CDKN2A: variants seen among roughly 807,000 people sequenced by gnomAD.
CDKN2A encodes the protein cyclin dependent kinase inhibitor 2A.
In CDKN2A, 3 loss-of-function variants were observed where a neutral mutation model predicts 11.1. The observed-to-expected ratio is 0.27, with a 90% CI of 0.12 to 0.70. The LOEUF is 0.70. Among genes scored for constraint, CDKN2A ranks in the 30% least tolerant of loss-of-function variants. The pLI, the probability that CDKN2A is intolerant of heterozygous loss-of-function variation, is 0.77. For missense variants in CDKN2A, 265 were observed against 233.6 expected, an observed-to-expected ratio of 1.13 and a Z score of -0.88; for synonymous variants, 122 against 108.1, an observed-to-expected ratio of 1.13 and a Z score of -0.80.
intron 2 of CDKN2A, among the ~76,000 whole-genome samples, chr9:21,986,465 A>C (rs951713037): frequency 2.6e-5 from 4 of 151,994 alleles, no homozygotes; most frequent in Admixed American, 2.6e-4. Flanking sequence ...AATAATAGTT[A>C]ACTAAAAGAG....
rs528789830 is a variant in CDKN2A, at chr9:21,994,240, G to C, written c.-175-187C>G. ...CGCCCCTGGCGCTGCCCACTCCCCC[G>C]TGAGCCGCGGGATGTGAACCACGAA... On this transcript the variant is annotated intron_variant, in intron 1 of 3. Transcript: ENST00000494262. 20 of 1,605,242 alleles carry C rather than the reference G, an allele frequency of 1.2e-5. No individual in the cohort carries two copies. In the East Asian group the frequency reaches 3.1e-4, roughly 25 times the overall value.
chr9:21,983,645 A>C (rs190048433), intron 2 of CDKN2A, among the ~76,000 whole-genome samples: 1 of 152,196 alleles, frequency 6.6e-6, no homozygotes, highest in Non-Finnish European at 1.5e-5. Context: ...AACAAAATGG[A>C]GGAGTGGTAC....
chr9:21,967,789 G>T lies in CDKN2A; in HGVS notation c.*440C>A. 1 of 295,242 alleles carries T rather than the reference G, an allele frequency of 3.4e-6. No individual in the cohort carries two copies. The allele number at this position is 295,242 out of a possible 1,614,324, so 18.3% of individuals were successfully genotyped here. On this transcript the variant is annotated 3_prime_UTR_variant, in exon 3 of 3. Coordinates refer to ENST00000304494, the MANE Select transcript of CDKN2A (RefSeq NM_000077.5). ...TGAAAATTATTTTATTTTTATTTGAGCTTTGGTTCTGCCATTTGCTAGCAG... is the reference window on the plus strand; with the variant it reads ...TGAAAATTATTTTATTTTTATTTGATCTTTGGTTCTGCCATTTGCTAGCAG...
chr9:21,987,249 T>C (rs139540158), intron 2 of CDKN2A, among the ~76,000 whole-genome samples: 6 of 152,132 alleles, frequency 3.9e-5, no homozygotes, highest in Admixed American at 3.9e-4. Context: ...GGCTACATTT[T>C]CCTGCAATCT....
Position 21,968,331 on chromosome 9 carries a change from G to C in CDKN2A, c.458-89C>G, listed in dbSNP as rs781575692. Reference sequence around the variant, plus strand: ...GCCCTCCTCTCTTGCCGTCCCTACCGGCATTGAAATACTTATGGATAAAGT... The same window carrying C: ...GCCCTCCTCTCTTGCCGTCCCTACCCGCATTGAAATACTTATGGATAAAGT... On this transcript the variant is annotated intron_variant, in intron 2 of 2. Transcript: ENST00000304494. This position sits in a 1 kb window ranked among gnomAD's most constrained non-coding sequence, Gnocchi z 4.7. The C allele has an allele frequency of 1.3e-6, 2 of 1,555,252 alleles. No individual in the cohort carries two copies.
Position 21,994,322 on chromosome 9 carries a change from T to A in CDKN2A, c.-175-269A>T, listed in dbSNP as rs1231812885. 1.2e-6 allele frequency: 2 copies of A among 1,606,428 alleles called. No individual in the cohort carries two copies. The highest frequency in any genetic ancestry group is 1.7e-5 in the Admixed American group (1 of 59,554). On this transcript the variant is annotated intron_variant, in intron 1 of 3. Transcript: ENST00000494262. ...CGAATCCGGAGGGTCACCAAGAACC[T>A]GCGCACCATGTTCTCGCCGCCTCCA...
In CDKN2A at chr9:21,974,545, C is replaced by T. The variant is rs752016743; in HGVS notation, c.150+133G>A. On this transcript the variant is annotated intron_variant, in intron 1 of 2. Coordinates refer to ENST00000304494, the MANE Select transcript of CDKN2A (RefSeq NM_000077.5). The surrounding 1 kb of genome is among the most constrained non-coding windows in gnomAD (Gnocchi z 5.2). ...GGAGGAGGTCTGTGATTACAAACCC[C>T]TTCTGAAAACTCCCCAGGAAGCCTC... 5.0e-6 allele frequency: 8 copies of T among 1,613,376 alleles called. No individual in the cohort carries two copies. Among genetic ancestry groups the T allele is most frequent in the Non-Finnish European group, 6.8e-6 (8 of 1,179,990 alleles).
chr9:21,984,287 C>CA (rs199861672), intron 2 of CDKN2A, among the ~76,000 whole-genome samples: 369 of 151,270 alleles, frequency 2.4e-3, no homozygotes, highest in Admixed American at 6.3e-3. Flanking sequence ...GAAGAATTTC[C>CA]AAAAAAAACC....
chr9:21,970,549 G>C (rs1184403528), intron 2 of CDKN2A: 3 of 535,656 alleles, frequency 5.6e-6, no homozygotes, highest in Non-Finnish European at 1.0e-5. Context: ...GGATGCAACT[G>C]GCCCTAGTTT....
chr9:21,989,217 G>T (rs1820367234), intron 2 of CDKN2A: 1 of 152,180 alleles, frequency 6.6e-6, no homozygotes, highest in Admixed American at 6.5e-5. Context: ...AAGTTGGTGG[G>T]TTTTTCTAGG....
At position 21,968,238 on chromosome 9, in the gene CDKN2A, G is replaced by A. The variant is rs1554653281; in HGVS notation, c.462C>T (p.Ile154=). The part of the protein sequence containing the change: ...RIDAAEGPSD[I]PD ...AGCCTCTCTGGTTCTTTCAATCGGG[G>A]ATGTCTGCAGAGGGCAGAAAGAAAA... Residue 154 remains isoleucine, a synonymous_variant, in exon 3 of 3, where the codon ATC becomes ATT. Transcript: ENST00000304494. The surrounding 1 kb of genome is among the most constrained non-coding windows in gnomAD (Gnocchi z 4.7). 6.2e-7 allele frequency: 1 copy of A among 1,614,012 alleles called. No individual in the cohort carries two copies. The highest frequency in any genetic ancestry group is 1.1e-5 in the South Asian group (1 of 91,074).
chr9:21,980,469 T>C (rs1174421883), intron 2 of CDKN2A, among the ~76,000 whole-genome samples: 2 of 152,210 alleles, frequency 1.3e-5, no homozygotes, highest in Non-Finnish European at 2.9e-5. Flanking sequence ...GTCCATGGCC[T>C]TTCTAATGAA....
exon 2 of CDKN2A, chr9:21,994,001 C>G: frequency 1.1e-6 from 1 of 943,708 alleles, no homozygotes; most frequent in Non-Finnish European, 1.6e-6. Flanking sequence ...GTCGTTGTAA[C>G]CCGAATGGGG....
chr9:21,976,913 C>T (rs2131119268), upstream of CDKN2A, among the ~76,000 whole-genome samples: 1 of 152,306 alleles, frequency 6.6e-6, no homozygotes, highest in South Asian at 2.1e-4. Context: ...ACATGTACTA[C>T]GTTTTAAAAA....
In CDKN2A at chr9:21,968,401, C is replaced by G. The variant is rs1309650648; in HGVS notation, c.458-159G>C. 1.0e-6 allele frequency: 1 copy of G among 973,672 alleles called. No homozygotes were observed. Among genetic ancestry groups the G allele is most frequent in the African/African-American group, 1.8e-5 (1 of 57,028 alleles). 60.3% of individuals were successfully genotyped at this position (973,672 alleles called of 1,614,324 possible). ...GCATGTACCCGCCGCCACCGCTCTC[C>G]CACACCTCCCTGGTCCAGCAGCTAG... On this transcript the variant is annotated intron_variant, in intron 2 of 2. Transcript: ENST00000304494. The surrounding 1 kb of genome is among the most constrained non-coding windows in gnomAD (Gnocchi z 4.7).
At position 21,968,112 on chromosome 9, in the gene CDKN2A, C is replaced by G; in HGVS notation, c.*117G>C. ...AGGACATTTTTAAAAGCTCTATTTT[C>G]TAAATGAAAACTACGAAAGCGGGGT... On this transcript the variant is annotated 3_prime_UTR_variant, in exon 3 of 3. Coordinates refer to ENST00000304494, the MANE Select transcript of CDKN2A (RefSeq NM_000077.5). This position sits in a 1 kb window ranked among gnomAD's most constrained non-coding sequence, Gnocchi z 4.7. 1 of 899,366 alleles carries G rather than the reference C, an allele frequency of 1.1e-6. No homozygotes were observed. Among genetic ancestry groups the G allele is most frequent in the Non-Finnish European group, 1.9e-6 (1 of 529,682 alleles). The allele number at this position is 899,366 out of a possible 1,614,324, so 55.7% of individuals were successfully genotyped here.
At chr9:21,989,234 C>T (rs923535718) in intron 2 of CDKN2A, 7 of 152,206 alleles carry the variant, frequency 4.6e-5, no homozygotes, top group African/African-American at 1.7e-4. Context: ...TAGGAAGAGT[C>T]AGACCCTTTA....
exon 2 of CDKN2A, chr9:21,993,897 G>T: frequency 1.7e-6 from 1 of 581,204 alleles, no homozygotes; most frequent in African/African-American, 1.9e-5. Flanking sequence ...TCTGAGGTGG[G>T]TTTAGAAGCT....
At chr9:21,982,419 C>T (rs1020314040) in intron 2 of CDKN2A, among the ~76,000 whole-genome samples, 2 of 152,088 alleles carry the variant, frequency 1.3e-5, no homozygotes, top group Non-Finnish European at 2.9e-5. Context: ...AGGGTGTACT[C>T]TTGTGAAATG....
Sources: allele counts gnomAD v4.1 joint callset (sites outside exome capture counted in the v4.1 genomes callset), GRCh38; gene constraint gnomAD v4.1.1; non-coding constraint Gnocchi (gnomAD v3.1); transcripts MANE v1.5; gene names NCBI Gene and HGNC (gene_info 2026-07-23, HGNC 2026-07-21).